The following GATC variants were observed in gnomAD, a reference collection of about 807,000 sequenced individuals.
The protein encoded by GATC is glutamyl-tRNA(Gln) amidotransferase subunit C, mitochondrial.
A neutral mutation model predicts 14.4 loss-of-function variants in GATC; 11 were observed. The ratio of observed to expected loss-of-function variants is 0.77; its 90% CI spans 0.48 to 1.27. The LOEUF (loss-of-function observed/expected upper bound fraction) is 1.27. GATC is among the 50% of genes most tolerant of loss of function. GATC has a pLI of 0.00. For missense variants in GATC, 204 were observed against 183.0 expected (o/e 1.11, Z -0.66); for synonymous variants, 76 against 79.3 (o/e 0.96, Z 0.22).
intron 2 of GATC, among the ~76,000 whole-genome samples, chr12:120,455,441 T>G (rs1299254122): frequency 6.6e-6 from 1 of 152,020 alleles, no homozygotes; most frequent in Non-Finnish European, 1.5e-5. Context: ...AGTGCTGGGA[T>G]TACATGCAAG....
At chr12:120,455,050 G>C (rs900464175) in intron 2 of GATC, 1 of 423,968 alleles carries the variant, frequency 2.4e-6, no homozygotes, top group Non-Finnish European at 4.8e-6. Context: ...ACCATGCCCG[G>C]CTAACTTTTA....
rs895761868 is a variant in GATC at position 120,463,402 on chromosome 12, A to G, written c.*3443A>G. On this transcript the variant is annotated 3_prime_UTR_variant, in exon 4 of 4. Transcript: ENST00000551765. ...CGGCAATATAATGAGACTGTCTCTA[A>G]AATCAAAAATTAGAGAAATATAAAA... is the stretch of plus-strand genomic sequence containing the variant. 6.6e-6 allele frequency: 1 copy of G among 152,006 alleles called. No homozygotes were observed. Among genetic ancestry groups the G allele is most frequent in the Non-Finnish European group, 1.5e-5 (1 of 68,024 alleles). 9.4% of individuals were successfully genotyped at this position (152,006 alleles called of 1,614,324 possible).
intron 3 of GATC, among the ~76,000 whole-genome samples, chr12:120,458,679 G>A (rs1365799160): frequency 1.3e-5 from 2 of 152,162 alleles, no homozygotes; most frequent in Non-Finnish European, 2.9e-5. Flanking sequence ...CTGGGAGTGG[G>A]ACTAGCCAAA....
intron 3 of GATC, among the ~76,000 whole-genome samples, 175 bp downstream of exon 3, chr12:120,457,354 A>AT (rs1268644046): frequency 6.6e-6 from 1 of 152,094 alleles, no homozygotes; most frequent in Non-Finnish European, 1.5e-5. Flanking sequence ...TCTAGGGGGC[A>AT]GTTAGTAACA....
chr12:120,462,356 A>C lies in GATC; in HGVS notation c.*2397A>C, dbSNP rs1196293299. On this transcript the variant is annotated 3_prime_UTR_variant, in exon 4 of 4. Transcript: ENST00000551765. ...TCTTACTATCCCATTTCAAGAATGA[A>C]GAAAATTAAGACTTAAGTTATATCA... The C allele has an allele frequency of 6.0e-6, 3 of 499,366 alleles. No homozygotes were observed. Among genetic ancestry groups the C allele is most frequent in the Admixed American group, 4.0e-5 (1 of 25,218 alleles). The allele number at this position is 499,366 out of a possible 1,614,324, so 30.9% of individuals were successfully genotyped here.
Position 120,460,063 on chromosome 12 carries a change from A to G in GATC, c.*104A>G. On this transcript the variant is annotated 3_prime_UTR_variant, in exon 4 of 4. Coordinates refer to ENST00000551765, the MANE Select transcript of GATC (RefSeq NM_176818.3). ...GTTCCTGCTTTTTTCAGTCCCCTGA[A>G]AAAATGGATGCTCAAGCATTTCTTA... 1 of 805,180 alleles carries G rather than the reference A, an allele frequency of 1.2e-6. No homozygotes were observed. The highest frequency in any genetic ancestry group is 2.0e-6 in the Non-Finnish European group (1 of 489,344). The allele number at this position is 805,180 out of a possible 1,614,324, so 49.9% of individuals were successfully genotyped here.
chr12:120,456,947 C>T (rs1878200632), intron 2 of GATC, 129 bp from the exon 3 acceptor site: 1 of 654,382 alleles, frequency 1.5e-6, no homozygotes, highest in Admixed American at 2.5e-5. Context: ...CCCAGCTTCT[C>T]TATCTTTGAA....
intron 2 of GATC, among the ~76,000 whole-genome samples, chr12:120,449,813 A>G (rs1385959337): frequency 2.7e-5 from 4 of 150,316 alleles, no homozygotes; most frequent in East Asian, 2.0e-4. Context: ...CCCAGGCTGG[A>G]GTGCAATGGC....
In GATC at chr12:120,459,903, A is replaced by G; in HGVS notation, c.359-4A>G. Reference sequence around the variant, plus strand: ...AAAAATTCTCTTTTGTTATTTTCAAACAGGTAATATCTCTTTGCCAAAGCT... The same window carrying G: ...AAAAATTCTCTTTTGTTATTTTCAAGCAGGTAATATCTCTTTGCCAAAGCT... On this transcript the variant is annotated splice_region_variant and splice_polypyrimidine_tract_variant and intron_variant, in intron 3 of 3. Coordinates refer to ENST00000551765, the MANE Select transcript of GATC (RefSeq NM_176818.3). 1 of 1,609,322 alleles carries G rather than the reference A, an allele frequency of 6.2e-7. No individual in the cohort carries two copies. The highest frequency in any genetic ancestry group is 8.5e-7 in the Non-Finnish European group (1 of 1,176,160).
chr12:120,454,710 C>T (rs940787457), intron 2 of GATC, among the ~76,000 whole-genome samples: 4 of 151,910 alleles, frequency 2.6e-5, no homozygotes, highest in Non-Finnish European at 5.9e-5. Context: ...GCACCGCGCC[C>T]GGCCTCTTAG....
chr12:120,446,512 G>C lies in GATC; in HGVS notation c.32G>C (p.Arg11Pro), dbSNP rs761316481. MWSRLVWLGLRAPLGGRQGFT... is the reference protein window; with the variant it reads MWSRLVWLGLPAPLGGRQGFT... Reference sequence around the variant, plus strand: ...TCGCGGTTGGTGTGGCTGGGCCTTCGGGCCCCTCTGGGCGGGCGCCAGGGC... The same window carrying C: ...TCGCGGTTGGTGTGGCTGGGCCTTCCGGCCCCTCTGGGCGGGCGCCAGGGC... The change falls in exon 1 of 4, where the codon CGG (arginine) becomes CCG (proline). Residue 11 changes from arginine (R) to proline (P), a missense_variant. Arg to Pro is a moderately radical substitution (Grantham distance 103, BLOSUM62 -2). Transcript: ENST00000551765. The C allele has an allele frequency of 7.5e-6, 12 of 1,605,184 alleles. No individual in the cohort carries two copies. Among genetic ancestry groups the C allele is most frequent in the African/African-American group, 6.7e-5 (5 of 74,804 alleles).
chr12:120,459,518 C>G (rs1185554474), intron 3 of GATC, among the ~76,000 whole-genome samples: 1 of 152,162 alleles, frequency 6.6e-6, no homozygotes, highest in Non-Finnish European at 1.5e-5. Context: ...AAGTAGTGAT[C>G]AGTTAGCTCA....
rs1028566592 is a variant in GATC at position 120,460,455 on chromosome 12, T to G, written c.*496T>G. ...TCTTCCCAGAAGAGGGCTAACTTCC[T>G]ACTAAGGTCTGAAGAGTGTTGAAAG... On this transcript the variant is annotated 3_prime_UTR_variant, in exon 4 of 4. Coordinates refer to ENST00000551765, the MANE Select transcript of GATC (RefSeq NM_176818.3). The G allele has an allele frequency of 1.3e-5, 2 of 152,902 alleles. No individual in the cohort carries two copies. Among genetic ancestry groups the G allele is most frequent in the African/African-American group, 4.8e-5 (2 of 41,456 alleles). 9.5% of individuals were successfully genotyped at this position (152,902 alleles called of 1,614,324 possible).
Position 120,446,694 on chromosome 12 carries a change from T to TG in GATC, c.121dup (p.Glu41GlyfsTer61), listed in dbSNP as rs1216906614. The TG allele has an allele frequency of 6.2e-7, 1 of 1,613,536 alleles. No individual in the cohort carries two copies. Among genetic ancestry groups the TG allele is most frequent in the African/African-American group, 1.3e-5 (1 of 74,946 alleles). Reference sequence around the variant, plus strand: ...ATCACGGCTGCGGTGATCGAGCACCTGGAGCGTCTAGCGCTTGTGGACTTC... The same window carrying TG: ...ATCACGGCTGCGGTGATCGAGCACCTGGGAGCGTCTAGCGCTTGTGGACTTC... On this transcript the variant is annotated frameshift_variant, in exon 2 of 4. Coordinates refer to ENST00000551765, the MANE Select transcript of GATC (RefSeq NM_176818.3). LOFTEE classifies it high-confidence loss of function.
In GATC at chr12:120,446,720, G is replaced by T. The variant is rs370792179; in HGVS notation, c.145G>T (p.Gly49Cys). 2 of 1,613,894 alleles carry T rather than the reference G, an allele frequency of 1.2e-6. No homozygotes were observed. Among genetic ancestry groups the T allele is most frequent in the Admixed American group, 3.3e-5 (2 of 60,018 alleles). ...GGAGCGTCTAGCGCTTGTGGACTTC[G>T]GCAGCCGCGAGGCAGTGGCGCGACT... is the stretch of plus-strand genomic sequence containing the variant. ...HLERLALVDF[G>C]SREAVARLEK... Residue 49 changes from glycine (G) to cysteine (C), a missense_variant, in exon 2 of 4, where the codon GGC becomes TGC. By Grantham distance (159) the Gly-to-Cys change is radical (BLOSUM62 -3). Transcript: ENST00000551765.
chr12:120,450,395 G>A (rs1878006688), intron 2 of GATC: 1 of 151,832 alleles, frequency 6.6e-6, no homozygotes, highest in Non-Finnish European at 1.5e-5. Flanking sequence ...TTATTTTTTT[G>A]TAGTTTTTAT....
chr12:120,458,623 G>A (rs1878246654), intron 3 of GATC, among the ~76,000 whole-genome samples: 1 of 152,160 alleles, frequency 6.6e-6, no homozygotes, highest in Non-Finnish European at 1.5e-5. Flanking sequence ...TATCTCCTCT[G>A]CAGGTAGGTG....
intron 2 of GATC, 128 bp downstream of exon 2, chr12:120,446,957 C>G (rs2137036512): frequency 1.2e-6 from 1 of 843,586 alleles, no homozygotes; most frequent in Non-Finnish European, 1.8e-6. Flanking sequence ...TGCCCACAGT[C>G]ACCTCGCGAG....
chr12:120,450,666 C>A, intron 2 of GATC: 1 of 154,712 alleles, frequency 6.5e-6, no homozygotes, highest in South Asian at 1.9e-4. Context: ...AATTTCCGGT[C>A]TCTTTAAGAG....
Sources: gnomAD v4.1 joint callset for allele counts (sites outside exome capture counted in the v4.1 genomes callset) on GRCh38, gnomAD v4.1.1 for gene constraint, MANE v1.5 for transcripts, NCBI Gene and HGNC (gene_info 2026-07-23, HGNC 2026-07-21) for gene names.